The following PPP1R16A variants were observed in gnomAD, a reference collection of about 807,000 sequenced individuals.
PPP1R16A encodes the protein protein phosphatase 1 regulatory subunit 16A.
Under a neutral mutation model 46.6 loss-of-function variants are expected in PPP1R16A, and 39 were observed. The observed-to-expected ratio is 0.84, with a 90% confidence interval of 0.65 to 1.09. The LOEUF (loss-of-function observed/expected upper bound fraction) is 1.09. Ranked by LOEUF, PPP1R16A falls within the 50% of genes least tolerant of loss-of-function variation. The pLI is 0.00. For missense variants in PPP1R16A, 798 were observed against 735.6 expected (o/e 1.08, Z -0.98); for synonymous variants, 413 against 321.5 (o/e 1.28, Z -3.04).
chr8:144,498,522 G>A (rs1020908487), intron 3 of PPP1R16A: 2 of 516,526 alleles, frequency 3.9e-6, no homozygotes, highest in Non-Finnish European at 3.4e-6. Flanking sequence ...GCCTGTTCTG[G>A]GGGTCGGAGG....
rs901904901 is a variant in PPP1R16A at position 144,501,761 on chromosome 8, C to A, written c.1445C>A (p.Ala482Asp). The A allele has an allele frequency of 4.5e-6, 7 of 1,569,758 alleles. No homozygotes were observed. In the African/African-American group the frequency reaches 6.8e-5, roughly 15 times the overall value. Residue 482 changes from alanine (A) to aspartate (D), a missense_variant, in exon 12 of 12, where the codon GCT becomes GAT. By Grantham distance (126) the Ala-to-Asp change is moderately radical (BLOSUM62 -2). Transcript: ENST00000435887. ...PPEGPESPET[A>D]EPGLPGDTVT... ...GAGGGGCCCGAGAGCCCTGAGACAGCTGAGCCTGGCCTGCCTGGTGACACG... is the reference window on the plus strand; with the variant it reads ...GAGGGGCCCGAGAGCCCTGAGACAGATGAGCCTGGCCTGCCTGGTGACACG...
At chr8:144,500,000 C>G in intron 5 of PPP1R16A, 96 bp from the exon 6 acceptor site, 1 of 1,344,214 alleles carries the variant, frequency 7.4e-7, no homozygotes, top group Non-Finnish European at 1.0e-6. Context: ...AGGGGCAGCC[C>G]TGGGCTGAGG....
At position 144,493,006 on chromosome 8, in the gene PPP1R16A, T is replaced by C. The variant is rs1391795526; in HGVS notation, c.-735+2794T>C. ...GGCCTTGGTCTCCCCATGTGGAAGA[T>C]GGGGTGATGGCAGGTGCCTGAGGCA... On this transcript the variant is annotated intron_variant, in intron 2 of 11. Coordinates refer to ENST00000435887, the MANE Select transcript of PPP1R16A (RefSeq NM_001329443.2). This position sits in a 1 kb window ranked among gnomAD's most constrained non-coding sequence, Gnocchi z 4.3. 6.6e-6 allele frequency among the ~76,000 whole-genome samples: 1 copy of C among 151,882 alleles called. No homozygotes were observed. The highest frequency in any genetic ancestry group is 1.9e-4 in the East Asian group (1 of 5,178).
At position 144,501,960 on chromosome 8, in the gene PPP1R16A, C is replaced by G. The variant is rs758379646; in HGVS notation, c.*57C>G. On this transcript the variant is annotated 3_prime_UTR_variant, in exon 12 of 12. Transcript: ENST00000435887. ...CGGGCACAGCCCAAGGCTGCCTCCCCACGGTGCGTGCCCTGGTGCTGCGGG... is the reference window on the plus strand; with the variant it reads ...CGGGCACAGCCCAAGGCTGCCTCCCGACGGTGCGTGCCCTGGTGCTGCGGG... 2 of 1,453,102 alleles carry G rather than the reference C, an allele frequency of 1.4e-6. No homozygotes were observed. Among genetic ancestry groups the G allele is most frequent in the Non-Finnish European group, 1.8e-6 (2 of 1,103,312 alleles). The allele number at this position is 1,453,102 out of a possible 1,614,324, so 90.0% of individuals were successfully genotyped here. A position where few individuals can be genotyped will look rare whatever the true frequency, so the allele number is the denominator to read the frequency against.
chr8:144,501,479 G>GA (rs1826472366), intron 11 of PPP1R16A, 41 bp from the exon 12 acceptor site: 1 of 1,493,724 alleles, frequency 6.7e-7, no homozygotes, highest in African/African-American at 1.4e-5. Context: ...AGGGAGGGGG[G>GA]AGGAGCCTCC....
rs1826442334 is a variant in PPP1R16A, at chr8:144,501,253, G to A, written c.1162G>A (p.Asp388Asn). The A allele has an allele frequency of 4.4e-6, 7 of 1,603,406 alleles. No individual in the cohort carries two copies. Among genetic ancestry groups the A allele is most frequent in the South Asian group, 1.1e-5 (1 of 90,648 alleles). Residue 388 changes from aspartate (D) to asparagine (N), a missense_variant, in exon 11 of 12, where the codon GAC (aspartate) becomes AAC (asparagine). Physicochemically the swap from Asp to Asn is conservative, Grantham distance 23. Coordinates refer to ENST00000435887, the MANE Select transcript of PPP1R16A (RefSeq NM_001329443.2). ...CCCGGAGCCGCCCGAGGACAACGAT[G>A]ACCGCCAGACAGGCGCAGAGCTCAG... ...TSPEPPEDND[D>N]RQTGAELRPP...
At chr8:144,498,016 C>A in intron 3 of PPP1R16A, 1 of 456,220 alleles carries the variant, frequency 2.2e-6, no homozygotes, top group South Asian at 1.5e-5. Context: ...GTGGGTTCCA[C>A]TTCTGGTGCT....
chr8:144,498,742 C>T, intron 3 of PPP1R16A, 28 bp from the exon 4 acceptor site: 5 of 1,556,342 alleles, frequency 3.2e-6, no homozygotes, highest in Non-Finnish European at 4.4e-6. Context: ...GGGCAGGACC[C>T]TGTCCTCACC....
chr8:144,500,747 A>G lies in PPP1R16A; in HGVS notation c.893A>G (p.Asp298Gly). 6.2e-7 allele frequency: 1 copy of G among 1,611,804 alleles called. No homozygotes were observed. The highest frequency in any genetic ancestry group is 8.5e-7 in the Non-Finnish European group (1 of 1,179,606). ...GADLNAKSLM[D>G]ETPLDVCGDE... Reference sequence around the variant, plus strand: ...GACCTGAACGCAAAGTCCCTGATGGACGAGACGCCCCTTGGTGAGCTTGCG... The same window carrying G: ...GACCTGAACGCAAAGTCCCTGATGGGCGAGACGCCCCTTGGTGAGCTTGCG... The change falls in exon 9 of 12, where the codon GAC (aspartate) becomes GGC (glycine). Residue 298 changes from aspartate to glycine, a missense_variant. Asp to Gly is a moderately conservative substitution (Grantham distance 94, BLOSUM62 -1). Transcript: ENST00000435887.
intron 1 of PPP1R16A, chr8:144,479,137 C>T (rs1484367911): frequency 1.3e-5 from 2 of 152,254 alleles, no homozygotes; most frequent in Non-Finnish European, 2.9e-5. Context: ...CTGCAGTACC[C>T]TGGGCCTCCT....
rs1400704554 is a variant in PPP1R16A at position 144,500,851 on chromosome 8, G to C, written c.917G>C (p.Gly306Ala). 2 of 1,576,188 alleles carry C rather than the reference G, an allele frequency of 1.3e-6. No homozygotes were observed. Among genetic ancestry groups the C allele is most frequent in the Non-Finnish European group, 1.7e-6 (2 of 1,162,494 alleles). ...LMDETPLDVC[G>A]DEEVRAKLLE... ...TGCGCCCACTTCTCAGATGTGTGCGGGGACGAGGAGGTGCGGGCCAAGCTG... is the reference window on the plus strand; with the variant it reads ...TGCGCCCACTTCTCAGATGTGTGCGCGGACGAGGAGGTGCGGGCCAAGCTG... The change falls in exon 10 of 12, where the codon GGG (glycine) becomes GCG (alanine). Residue 306 changes from glycine (G) to alanine (A), a missense_variant. Gly to Ala is a moderately conservative substitution (Grantham distance 60). Coordinates refer to ENST00000435887, the MANE Select transcript of PPP1R16A (RefSeq NM_001329443.2).
chr8:144,491,204 C>T (rs929703276), intron 2 of PPP1R16A, among the ~76,000 whole-genome samples: 4 of 152,172 alleles, frequency 2.6e-5, no homozygotes, highest in Non-Finnish European at 4.4e-5. Flanking sequence ...TGTTAACAGA[C>T]GTATATGTAT....
rs1342586554 is a variant in PPP1R16A at position 144,493,299 on chromosome 8, G to A, written c.-735+3087G>A. Among the ~76,000 whole-genome samples, 5 of 152,292 alleles carry A rather than the reference G, an allele frequency of 3.3e-5. No homozygotes were observed. Among genetic ancestry groups the A allele is most frequent in the East Asian group, 1.9e-4 (1 of 5,182 alleles). The stretch of plus-strand genomic sequence containing the variant: ...TATCTGTTTAGAACTGGAATGAACC[G>A]ACCCGGGAATCTGTTTGACATTCCA... On this transcript the variant is annotated intron_variant, in intron 2 of 11. Coordinates refer to ENST00000435887, the MANE Select transcript of PPP1R16A (RefSeq NM_001329443.2). This position sits in a 1 kb window ranked among gnomAD's most constrained non-coding sequence, Gnocchi z 4.3.
In PPP1R16A at chr8:144,501,621, G is replaced by A; in HGVS notation, c.1305G>A (p.Gln435=). ...GACTAGACCGGAGTGTCTCCTACCA[G>A]CTGAGCCCCCTGGACAGCACCACCC... ...SKRLDRSVSY[Q]LSPLDSTTPH... The change falls in exon 12 of 12, where the codon CAG becomes CAA. Residue 435 remains glutamine, a synonymous_variant. Coordinates refer to ENST00000435887, the MANE Select transcript of PPP1R16A (RefSeq NM_001329443.2). 1 of 1,610,452 alleles carries A rather than the reference G, an allele frequency of 6.2e-7. No individual in the cohort carries two copies.
chr8:144,486,396 C>T (rs535102835), intron 1 of PPP1R16A, among the ~76,000 whole-genome samples: 1 of 152,094 alleles, frequency 6.6e-6, no homozygotes. Flanking sequence ...GATAAAGGCC[C>T]GTGAGCGCAG....
chr8:144,499,468 A>G, intron 5 of PPP1R16A: 1 of 207,262 alleles, frequency 4.8e-6, no homozygotes, highest in Non-Finnish European at 9.7e-6. Flanking sequence ...GAGCGGGGGG[A>G]ACTCTGAGCA....
chr8:144,482,731 C>T (rs1825481391), intron 1 of PPP1R16A, among the ~76,000 whole-genome samples: 1 of 151,066 alleles, frequency 6.6e-6, no homozygotes, highest in Non-Finnish European at 1.5e-5. Context: ...TCACTGCAAC[C>T]TCTGCCTCCT....
chr8:144,500,005 C>T (rs1044145684), intron 5 of PPP1R16A, 91 bp from the exon 6 acceptor site: 1 of 1,377,968 alleles, frequency 7.3e-7, no homozygotes, highest in African/African-American at 1.4e-5. Flanking sequence ...CAGCCCTGGG[C>T]TGAGGGGCCC....
intron 1 of PPP1R16A, among the ~76,000 whole-genome samples, chr8:144,487,077 T>G (rs566419335): frequency 6.6e-6 from 1 of 150,752 alleles, no homozygotes; most frequent in East Asian, 2.0e-4. Flanking sequence ...AACCTCCACC[T>G]CCCAGATTCA....
Sources: allele counts gnomAD v4.1 joint callset (sites outside exome capture counted in the v4.1 genomes callset), GRCh38; gene constraint gnomAD v4.1.1; non-coding constraint Gnocchi (gnomAD v3.1); transcripts MANE v1.5; gene names NCBI Gene and HGNC (gene_info 2026-07-23, HGNC 2026-07-21).